DMD: variants seen among roughly 807,000 people sequenced by gnomAD.
The protein encoded by DMD is dystrophin, also known as mutant dystrophin.
Under a neutral mutation model 330.1 loss-of-function variants are expected in DMD, and 63 were observed. That is an observed-to-expected ratio of 0.19 (90% CI 0.16 to 0.24). DMD has a LOEUF of 0.24. DMD is among the 10% of genes least tolerant of loss of function. The pLI, the probability that DMD is intolerant of heterozygous loss-of-function variation, is 1.00. For synonymous variants in DMD, 1,223 were observed against 959.8 expected (o/e 1.27, Z -5.07); for missense variants, 3,344 against 2,684.1 (o/e 1.25, Z -5.43).
chrX:32,301,906 G>C (rs1221452124), intron 42 of DMD, among the ~76,000 whole-genome samples: 2 of 111,244 alleles, frequency 1.8e-5, no homozygotes, highest in Admixed American at 9.6e-5. Flanking sequence ...AACCAAGCTA[G>C]AAAACAGCAT....
chrX:32,872,909 A>G (rs1037525609), intron 2 of DMD, among the ~76,000 whole-genome samples: 1 of 111,934 alleles, frequency 8.9e-6, no homozygotes, highest in Non-Finnish European at 1.9e-5. Context: ...AAGCAATGGA[A>G]GACTCCAGTG....
At chrX:31,718,987 G>A (rs953692296) in intron 52 of DMD, among the ~76,000 whole-genome samples, 2 of 111,465 alleles carry the variant, frequency 1.8e-5, no homozygotes, top group Admixed American at 1.9e-4. Flanking sequence ...GCCAGTGCTT[G>A]GACCAAGTGC....
intron 7 of DMD, among the ~76,000 whole-genome samples, chrX:32,720,662 A>C (rs912856611): frequency 9.8e-5 from 11 of 111,888 alleles, no homozygotes; most frequent in Non-Finnish European, 1.7e-4. Context: ...TATTTTAGAT[A>C]AATATTAGAA....
chrX:31,574,784 C>CA (rs2076016722), intron 55 of DMD, among the ~76,000 whole-genome samples: 2 of 110,893 alleles, frequency 1.8e-5, no homozygotes, highest in Admixed American at 1.9e-4. Context: ...CGTATTTGGC[C>CA]AAATCAGACA....
At chrX:33,009,775 C>T (rs866201553) in intron 2 of DMD, among the ~76,000 whole-genome samples, 6 of 37,283 alleles carry the variant, frequency 1.6e-4, no homozygotes, top group East Asian at 1.1e-3. Context: ...TGTGTATATA[C>T]ACACATATGT....
At chrX:32,468,384 A>C in intron 23 of DMD, 114 bp downstream of exon 23, 1 of 652,571 alleles carries the variant, frequency 1.5e-6, no homozygotes, top group East Asian at 3.6e-5. Context: ...TCTTCTCACT[A>C]ACTTTGAAAG....
intron 7 of DMD, among the ~76,000 whole-genome samples, chrX:32,784,846 T>A (rs1015540640): frequency 9.8e-5 from 11 of 111,873 alleles, no homozygotes; most frequent in African/African-American, 3.6e-4. Context: ...ACATTCTGTC[T>A]TATATAACAG....
At chrX:31,138,739 C>T (rs1440738295) in intron 76 of DMD, among the ~76,000 whole-genome samples, 1 of 109,080 alleles carries the variant, frequency 9.2e-6, no homozygotes, top group Middle Eastern at 4.2e-3. Flanking sequence ...TGAGAACTCA[C>T]TCACTATCAC....
chrX:31,980,687 C>G (rs2095470276), intron 44 of DMD, among the ~76,000 whole-genome samples: 1 of 110,950 alleles, frequency 9.0e-6, no homozygotes, highest in Non-Finnish European at 1.9e-5. Context: ...ACTGTCACAC[C>G]CAGTAAGAAA....
chrX:32,512,021 T>G, intron 18 of DMD, among the ~76,000 whole-genome samples: 1 of 111,871 alleles, frequency 8.9e-6, no homozygotes, highest in Non-Finnish European at 1.9e-5. Flanking sequence ...ATGAAAATTC[T>G]TAGAGATCAT....
chrX:32,204,600 C>A (rs946233111), intron 44 of DMD, among the ~76,000 whole-genome samples: 1 of 111,696 alleles, frequency 9.0e-6, no homozygotes, highest in Non-Finnish European at 1.9e-5. Context: ...CATACACATA[C>A]AACTGTGTTA....
At chrX:32,084,009 C>A (rs1236851711) in intron 44 of DMD, among the ~76,000 whole-genome samples, 2 of 112,540 alleles carry the variant, frequency 1.8e-5, no homozygotes, top group Non-Finnish European at 3.7e-5. Context: ...AGGGCTGTAA[C>A]CTCAACCTTA....
chrX:31,368,191 A>T (rs1419184196), intron 60 of DMD, among the ~76,000 whole-genome samples: 2 of 112,403 alleles, frequency 1.8e-5, no homozygotes, highest in Non-Finnish European at 3.8e-5. Flanking sequence ...CACAGGGGTT[A>T]GTGCTTTGGC....
At chrX:32,118,622 G>A (rs751398283) in intron 44 of DMD, among the ~76,000 whole-genome samples, 1 of 111,046 alleles carries the variant, frequency 9.0e-6, no homozygotes, top group Non-Finnish European at 1.9e-5. Context: ...GAACTCCTAC[G>A]AGTGGGGCAC....
chrX:32,916,075 G>T (rs948228290), intron 2 of DMD, among the ~76,000 whole-genome samples: 3 of 110,925 alleles, frequency 2.7e-5, no homozygotes, highest in African/African-American at 9.8e-5. Context: ...TCAGAAGAGA[G>T]GTAAAGGTAT....
intron 55 of DMD, among the ~76,000 whole-genome samples, chrX:31,576,759 G>GTTTTTTTTTTTT (rs201477815): frequency 9.6e-6 from 1 of 103,656 alleles, no homozygotes; most frequent in Non-Finnish European, 2.0e-5. Flanking sequence ...ATATGAGGTT[G>GTTTTTTTTTTTT]TTTTTTTTTG....
chrX:32,595,987 A>G, intron 12 of DMD, 111 bp from the exon 13 acceptor site: 1 of 697,671 alleles, frequency 1.4e-6, no homozygotes, highest in Non-Finnish European at 2.2e-6. Context: ...AGGTACTCCC[A>G]TTTTTTATTA....
chrX:32,476,548 C>A (rs759265448), intron 21 of DMD, among the ~76,000 whole-genome samples: 7 of 111,439 alleles, frequency 6.3e-5, no homozygotes, highest in African/African-American at 2.3e-4. Flanking sequence ...ATTTCTTTTT[C>A]TGATTTTCTT....
At chrX:31,586,191 G>T (rs752602488) in intron 55 of DMD, among the ~76,000 whole-genome samples, 1 of 111,741 alleles carries the variant, frequency 8.9e-6, no homozygotes, top group East Asian at 2.8e-4. Flanking sequence ...TATGTCGGGG[G>T]AAAAATAAAA....
Sources: gnomAD v4.1 joint callset for allele counts (sites outside exome capture counted in the v4.1 genomes callset) on GRCh38, gnomAD v4.1.1 for gene constraint, MANE v1.5 for transcripts, NCBI Gene and HGNC (gene_info 2026-07-23, HGNC 2026-07-21) for gene names.